The following KBTBD6 variants were observed in gnomAD, a reference collection of about 807,000 sequenced individuals.
KBTBD6 encodes the protein kelch repeat and BTB domain containing 6, also known as kelch repeat and BTB domain-containing protein 6.
A neutral mutation model predicts 34.4 loss-of-function variants in KBTBD6; 6 were observed. The observed-to-expected ratio is 0.17, with a 90% CI of 0.10 to 0.34. The LOEUF (loss-of-function observed/expected upper bound fraction) is 0.34, where lower values mean the gene tolerates loss of function less well. Among genes scored for constraint, KBTBD6 ranks in the 10% least tolerant of loss-of-function variants. The pLI is 1.00. For synonymous variants in KBTBD6, 288 were observed against 327.2 expected (o/e 0.88, Z 1.29); for missense variants, 557 against 856.0 (o/e 0.65, Z 4.36).
chr13:41,132,315 G>A lies in KBTBD6; in HGVS notation c.197C>T (p.Thr66Ile). 6.2e-7 allele frequency: 1 copy of A among 1,614,212 alleles called. No homozygotes were observed. The part of the protein sequence containing the change: ...FYDARLLCDV[T>I]IEVVTPGSGP... ...GCTGCCAGGCGTCACCACCTCGATGGTCACATCACACAGCAGCCGCGCATC... is the reference window on the plus strand; with the variant it reads ...GCTGCCAGGCGTCACCACCTCGATGATCACATCACACAGCAGCCGCGCATC... Residue 66 changes from threonine to isoleucine, a missense_variant, in exon 1 of 1, where the codon ACC (threonine) becomes ATC (isoleucine). Physicochemically the swap from Thr to Ile is moderately conservative, Grantham distance 89. Coordinates refer to ENST00000379485, the MANE Select transcript of KBTBD6 (RefSeq NM_152903.5).
Position 41,131,027 on chromosome 13 carries a change from G to A in KBTBD6, c.1485C>T (p.Phe495=). 6.2e-7 allele frequency: 1 copy of A among 1,614,124 alleles called. No homozygotes were observed. Among genetic ancestry groups the A allele is most frequent in the South Asian group, 1.1e-5 (1 of 91,082 alleles). ...ACATATTGTGGCTAGGATCATAACA[G>A]AACATGCGCTTACTGTTGAGAGCAT... ...YLYALNSKRM[F]CYDPSHNMWL... is the part of the protein sequence containing the mutation. The change falls in exon 1 of 1, where the codon TTC becomes TTT. Residue 495 remains phenylalanine (F), a synonymous_variant. Coordinates refer to ENST00000379485, the MANE Select transcript of KBTBD6 (RefSeq NM_152903.5). This position sits in a 1 kb window ranked among gnomAD's most constrained non-coding sequence, Gnocchi z 5.8.
In KBTBD6 at chr13:41,130,999, G is replaced by C; in HGVS notation, c.1513C>G (p.Leu505Val). 1 of 1,614,138 alleles carries C rather than the reference G, an allele frequency of 6.2e-7. No individual in the cohort carries two copies. The change falls in exon 1 of 1, where the codon CTG becomes GTG. Residue 505 changes from leucine to valine, a missense_variant. By Grantham distance (32) the Leu-to-Val change is conservative (BLOSUM62 1). Coordinates refer to ENST00000379485, the MANE Select transcript of KBTBD6 (RefSeq NM_152903.5). This position sits in a 1 kb window ranked among gnomAD's most constrained non-coding sequence, Gnocchi z 4.8. The part of the protein sequence containing the change: ...FCYDPSHNMW[L>V]KCVSLKRNDF... ...TTGCGCTTCAGAGAAACGCACTTCA[G>C]CCACATATTGTGGCTAGGATCATAA...
chr13:41,131,868 G>A lies in KBTBD6; in HGVS notation c.644C>T (p.Ala215Val). 6.2e-7 allele frequency: 1 copy of A among 1,614,248 alleles called. No homozygotes were observed. The highest frequency in any genetic ancestry group is 1.3e-5 in the African/African-American group (1 of 75,060). Residue 215 changes from alanine (A) to valine (V), a missense_variant, in exon 1 of 1, where the codon GCA (alanine) becomes GTA (valine). Physicochemically the swap from Ala to Val is moderately conservative, Grantham distance 64. Coordinates refer to ENST00000379485, the MANE Select transcript of KBTBD6 (RefSeq NM_152903.5). This position sits in a 1 kb window ranked among gnomAD's most constrained non-coding sequence, Gnocchi z 5.8. Reference protein sequence around the residue: ...HMGSIREETLADLTLAQLLAV... With the variant: ...HMGSIREETLVDLTLAQLLAV... ...CAGCAGCTGGGCCAGGGTCAGATCT[G>A]CTAGAGTCTCCTCCCGAATTGAACC...
In KBTBD6 at chr13:41,129,601, T is replaced by A. The variant is rs1419473645; in HGVS notation, c.*886A>T. 6.6e-6 allele frequency: 1 copy of A among 151,770 alleles called. No homozygotes were observed. Among genetic ancestry groups the A allele is most frequent in the African/African-American group, 2.4e-5 (1 of 41,340 alleles). The allele number at this position is 151,770 out of a possible 1,614,324, so 9.4% of individuals were successfully genotyped here. A position where few individuals can be genotyped will look rare whatever the true frequency, so the allele number is the denominator to read the frequency against. On this transcript the variant is annotated 3_prime_UTR_variant, in exon 1 of 1. Transcript: ENST00000379485. The stretch of plus-strand genomic sequence containing the variant: ...CTTATAGCTATTCTCTGTATTATTA[T>A]AAATGAAGTCACCACTCAGTCACCC...
At position 41,130,823 on chromosome 13, in the gene KBTBD6, C is replaced by A; in HGVS notation, c.1689G>T (p.Lys563Asn). ...TGATGAGCAACAATTTTTGGCCATG[C>A]TTGATAATTCTGTAGTTGTTGGTCT... is the stretch of plus-strand genomic sequence containing the variant. ...VSETNNYRII[K>N]HGQKLLLITS... Residue 563 changes from lysine to asparagine, a missense_variant, in exon 1 of 1, where the codon AAG (lysine) becomes AAT (asparagine). Lys to Asn is a moderately conservative substitution (Grantham distance 94). Transcript: ENST00000379485. The surrounding 1 kb of genome is among the most constrained non-coding windows in gnomAD (Gnocchi z 4.8). 1 of 1,614,162 alleles carries A rather than the reference C, an allele frequency of 6.2e-7. No individual in the cohort carries two copies. Among genetic ancestry groups the A allele is most frequent in the Non-Finnish European group, 8.5e-7 (1 of 1,180,034 alleles).
rs41286993 is a variant in KBTBD6 at position 41,130,523 on chromosome 13, A to G, written c.1989T>C (p.Ser663=). 6,038 of 1,614,040 alleles carry G rather than the reference A, an allele frequency of 3.7e-3. 22 individuals carry two copies. Among genetic ancestry groups the G allele is most frequent in the Non-Finnish European group, 4.7e-3 (5,547 of 1,179,928 alleles). Residue 663 remains serine (S), a synonymous_variant, in exon 1 of 1, where the codon TCT becomes TCC. Transcript: ENST00000379485. This position sits in a 1 kb window ranked among gnomAD's most constrained non-coding sequence, Gnocchi z 4.8. ...DSESGSSSSL[S]DDDFWVRVAP... ...CTACACGCACCCAAAAATCATCATC[A>G]GAAAGAGAACTTGAACTTCCTGACT...
rs1566228288 is a variant in KBTBD6, at chr13:41,131,017, GATC to G, written c.1492_1494del (p.Asp498del). ...CACTTCAGCCACATATTGTGGCTAGGATCATAACAGAACATGCGCTTACTGTTG... is the reference window on the plus strand; with the variant it reads ...CACTTCAGCCACATATTGTGGCTAGGATAACAGAACATGCGCTTACTGTTG... On this transcript the variant is annotated inframe_deletion, in exon 1 of 1. Transcript: ENST00000379485. The surrounding 1 kb of genome is among the most constrained non-coding windows in gnomAD (Gnocchi z 5.8). The G allele has an allele frequency of 6.2e-7, 1 of 1,614,012 alleles. No individual in the cohort carries two copies. The highest frequency in any genetic ancestry group is 1.3e-5 in the African/African-American group (1 of 74,930).
Position 41,132,473 on chromosome 13 carries a change from T to G in KBTBD6, c.39A>C (p.Leu13=), listed in dbSNP as rs768555270. 154 of 1,614,200 alleles carry G rather than the reference T, an allele frequency of 9.5e-5. No homozygotes were observed. The South Asian group carries it at 1.2e-3, about 12-fold the overall frequency. The change falls in exon 1 of 1, where the codon CTA becomes CTC. Residue 13 remains leucine, a synonymous_variant. Transcript: ENST00000379485. ...GCCGCTTCCCACCACGGGGACTGGC[T>G]AGGCGGCGAGAGCGCGGGGCGTCTT... ...SREDAPRSRR[L]ASPRGGKRPK... is the part of the protein sequence containing the mutation.
rs2030051819 is a variant in KBTBD6, at chr13:41,129,649, CTTTTTTTTTTTTCCTTTT to C, written c.*820_*837del. On this transcript the variant is annotated 3_prime_UTR_variant, in exon 1 of 1. Transcript: ENST00000379485. Reference sequence around the variant, plus strand: ...CCCTAATACACATATGGTTTTTTTTCTTTTTTTTTTTTCCTTTTTTTTTTTTTTTTTTTTTTGAGACGG... The same window carrying C: ...CCCTAATACACATATGGTTTTTTTTCTTTTTTTTTTTTTTTTTTGAGACGG... 1 of 117,678 alleles carries C rather than the reference CTTTTTTTTTTTTCCTTTT, an allele frequency of 8.5e-6. No homozygotes were observed. Among genetic ancestry groups the C allele is most frequent in the Non-Finnish European group, 1.8e-5 (1 of 56,610 alleles). 7.3% of individuals were successfully genotyped at this position (117,678 alleles called of 1,614,324 possible). A position where few individuals can be genotyped will look rare whatever the true frequency, so the allele number is the denominator to read the frequency against.
rs760305610 is a variant in KBTBD6 at position 41,132,768 on chromosome 13, G to A, written c.-257C>T. Reference sequence around the variant, plus strand: ...TCACAGGACCCGCTGGCTTGGAGCCGCAGAAGCCGCTACTGCAGCGTGGGC... The same window carrying A: ...TCACAGGACCCGCTGGCTTGGAGCCACAGAAGCCGCTACTGCAGCGTGGGC... On this transcript the variant is annotated 5_prime_UTR_variant, in exon 1 of 1. Coordinates refer to ENST00000379485, the MANE Select transcript of KBTBD6 (RefSeq NM_152903.5). 1.2e-4 allele frequency: 66 copies of A among 531,660 alleles called. No individual in the cohort carries two copies. Among genetic ancestry groups the A allele is most frequent in the Non-Finnish European group, 2.1e-4 (61 of 292,438 alleles). 32.9% of individuals were successfully genotyped at this position (531,660 alleles called of 1,614,324 possible).
rs2030033787 is a variant in KBTBD6 at position 41,128,614 on chromosome 13, T to C, written c.*1873A>G. On this transcript the variant is annotated 3_prime_UTR_variant, in exon 1 of 1. Coordinates refer to ENST00000379485, the MANE Select transcript of KBTBD6 (RefSeq NM_152903.5). Reference sequence around the variant, plus strand: ...GTGGCCTCAAATGCCATCATCCACTTATGTTCTTTAACTATCAACTTTGTT... The same window carrying C: ...GTGGCCTCAAATGCCATCATCCACTCATGTTCTTTAACTATCAACTTTGTT... The C allele has an allele frequency of 5.1e-6, 2 of 394,848 alleles. No individual in the cohort carries two copies. Among genetic ancestry groups the C allele is most frequent in the Admixed American group, 8.8e-5 (2 of 22,608 alleles). The allele number at this position is 394,848 out of a possible 1,614,324, so 24.5% of individuals were successfully genotyped here.
rs2030068373 is a variant in KBTBD6 at position 41,130,455 on chromosome 13, AGTTACAACAAACCCT to A, written c.*17_*31del. On this transcript the variant is annotated 3_prime_UTR_variant, in exon 1 of 1. Coordinates refer to ENST00000379485, the MANE Select transcript of KBTBD6 (RefSeq NM_152903.5). This position sits in a 1 kb window ranked among gnomAD's most constrained non-coding sequence, Gnocchi z 4.8. Reference sequence around the variant, plus strand: ...TAAAAACAACTTAGTGTTTCAATCTAGTTACAACAAACCCTGTTGATCCTGTGCATTTCACTGAGG... The same window carrying A: ...TAAAAACAACTTAGTGTTTCAATCTAGTTGATCCTGTGCATTTCACTGAGG... 6.9e-7 allele frequency: 1 copy of A among 1,459,456 alleles called. No individual in the cohort carries two copies. The highest frequency in any genetic ancestry group is 1.4e-5 in the African/African-American group (1 of 70,866). The allele number at this position is 1,459,456 out of a possible 1,614,324, so 90.4% of individuals were successfully genotyped here.
rs900239611 is a variant in KBTBD6 at position 41,130,307 on chromosome 13, A to C, written c.*180T>G. Reference sequence around the variant, plus strand: ...ATTAAAAGGTTGATTTGAGTGTTAAAATTTGTAACATTAAATTACCTTCGT... The same window carrying C: ...ATTAAAAGGTTGATTTGAGTGTTAACATTTGTAACATTAAATTACCTTCGT... On this transcript the variant is annotated 3_prime_UTR_variant, in exon 1 of 1. Coordinates refer to ENST00000379485, the MANE Select transcript of KBTBD6 (RefSeq NM_152903.5). This position sits in a 1 kb window ranked among gnomAD's most constrained non-coding sequence, Gnocchi z 4.8. 3.7e-6 allele frequency: 2 copies of C among 542,828 alleles called. No individual in the cohort carries two copies. Among genetic ancestry groups the C allele is most frequent in the African/African-American group, 3.8e-5 (2 of 52,850 alleles). 33.6% of individuals were successfully genotyped at this position (542,828 alleles called of 1,614,324 possible). A position where few individuals can be genotyped will look rare whatever the true frequency, so the allele number is the denominator to read the frequency against.
At position 41,132,571 on chromosome 13, in the gene KBTBD6, T is replaced by G. The variant is rs753896510; in HGVS notation, c.-60A>C. 1.4e-4 allele frequency: 223 copies of G among 1,543,682 alleles called. No individual in the cohort carries two copies. Among genetic ancestry groups the G allele is most frequent in the Non-Finnish European group, 1.4e-4 (158 of 1,135,734 alleles). ...CGCTGCAGGACCCGGCTCTGGCTCC[T>G]CCTCAACCTTCCCTCGCTGACGCTA... On this transcript the variant is annotated 5_prime_UTR_variant, in exon 1 of 1. Transcript: ENST00000379485.
rs557215470 is a variant in KBTBD6, at chr13:41,132,462, C to T, written c.50G>A (p.Arg17His). ...AATCTTCTTGGGCCGCTTCCCACCA[C>T]GGGGACTGGCTAGGCGGCGAGAGCG... ...APRSRRLASPRGGKRPKKIHK... is the reference protein window; with the variant it reads ...APRSRRLASPHGGKRPKKIHK... The change falls in exon 1 of 1, where the codon CGT becomes CAT. Residue 17 changes from arginine to histidine, a missense_variant. Arg to His is a conservative substitution (Grantham distance 29). Coordinates refer to ENST00000379485, the MANE Select transcript of KBTBD6 (RefSeq NM_152903.5). The T allele has an allele frequency of 3.1e-6, 5 of 1,614,216 alleles. No individual in the cohort carries two copies. The highest frequency in any genetic ancestry group is 1.7e-6 in the Non-Finnish European group (2 of 1,180,028).
At position 41,129,506 on chromosome 13, in the gene KBTBD6, A is replaced by G. The variant is rs1469312142; in HGVS notation, c.*981T>C. The G allele has an allele frequency of 6.6e-6, 1 of 152,154 alleles. No individual in the cohort carries two copies. Among genetic ancestry groups the G allele is most frequent in the African/African-American group, 2.4e-5 (1 of 41,428 alleles). 9.4% of individuals were successfully genotyped at this position (152,154 alleles called of 1,614,324 possible). On this transcript the variant is annotated 3_prime_UTR_variant, in exon 1 of 1. Transcript: ENST00000379485. ...GTGACTTTGCAAATACACATTCTAA[A>G]TTCCAAAATTAAAACGAAACTTCTT...
chr13:41,130,876 G>C lies in KBTBD6; in HGVS notation c.1636C>G (p.Gln546Glu). ...GAGACCAAGGGAATATTATTCATTT[G>C]CCTCCATTCTGCCCTAACTGGGTTG... ...VYNPVRAEWR[Q>E]MNNIPLVSET... is the part of the protein sequence containing the mutation. Residue 546 changes from glutamine to glutamate, a missense_variant, in exon 1 of 1, where the codon CAA (glutamine) becomes GAA (glutamate). Physicochemically the swap from Gln to Glu is conservative, Grantham distance 29. Coordinates refer to ENST00000379485, the MANE Select transcript of KBTBD6 (RefSeq NM_152903.5). The surrounding 1 kb of genome is among the most constrained non-coding windows in gnomAD (Gnocchi z 4.8). 1 of 1,614,056 alleles carries C rather than the reference G, an allele frequency of 6.2e-7. No homozygotes were observed. The highest frequency in any genetic ancestry group is 8.5e-7 in the Non-Finnish European group (1 of 1,179,944).
At position 41,130,369 on chromosome 13, in the gene KBTBD6, T is replaced by C. The variant is rs2030067013; in HGVS notation, c.*118A>G. ...TACTTTTTCTAAACCAAACCAGAAG[T>C]TAATCAACTTTTCCTCTCCTTTAGG... On this transcript the variant is annotated 3_prime_UTR_variant, in exon 1 of 1. Transcript: ENST00000379485. The surrounding 1 kb of genome is among the most constrained non-coding windows in gnomAD (Gnocchi z 4.8). 1.4e-6 allele frequency: 1 copy of C among 717,502 alleles called. No individual in the cohort carries two copies. Among genetic ancestry groups the C allele is most frequent in the Non-Finnish European group, 2.2e-6 (1 of 446,770 alleles). The allele number at this position is 717,502 out of a possible 1,614,324, so 44.4% of individuals were successfully genotyped here. A position where few individuals can be genotyped will look rare whatever the true frequency, so the allele number is the denominator to read the frequency against.
Position 41,132,505 on chromosome 13 carries a change from A to G in KBTBD6, c.7T>C (p.Ser3Pro). The G allele has an allele frequency of 1.2e-6, 2 of 1,613,364 alleles. No homozygotes were observed. Among genetic ancestry groups the G allele is most frequent in the Non-Finnish European group, 1.7e-6 (2 of 1,179,484 alleles). ...CGAGAGCGCGGGGCGTCTTCCCGGGACTGCATGGTGGAGATGGCGACGGGC... is the reference window on the plus strand; with the variant it reads ...CGAGAGCGCGGGGCGTCTTCCCGGGGCTGCATGGTGGAGATGGCGACGGGC... The part of the protein sequence containing the change: MQ[S>P]REDAPRSRRL... Residue 3 changes from serine (S) to proline (P), a missense_variant, in exon 1 of 1, where the codon TCC becomes CCC. Physicochemically the swap from Ser to Pro is moderately conservative, Grantham distance 74. Coordinates refer to ENST00000379485, the MANE Select transcript of KBTBD6 (RefSeq NM_152903.5).
Sources: gnomAD v4.1 joint callset for allele counts on GRCh38, gnomAD v4.1.1 for gene constraint, Gnocchi (gnomAD v3.1) non-coding constraint, MANE v1.5 for transcripts, NCBI Gene and HGNC (gene_info 2026-07-23, HGNC 2026-07-21) for gene names.